Variants in SLC44A5 observed in about 807,000 individuals in gnomAD.
SLC44A5 encodes the protein choline transporter-like protein 5.
A neutral mutation model predicts 101.8 loss-of-function variants in SLC44A5; 57 were observed. The observed-to-expected ratio is 0.56, with a 90% confidence interval of 0.45 to 0.70. SLC44A5 has a LOEUF of 0.70. Ranked by LOEUF, SLC44A5 falls within the 30% of genes least tolerant of loss-of-function variation. SLC44A5 has a pLI of 0.00. For missense variants in SLC44A5, 737 were observed against 853.1 expected (o/e 0.86, Z 1.70); for synonymous variants, 281 against 290.9 (o/e 0.97, Z 0.35).
At chr1:75,608,470 G>A (rs1001338501) in intron 1 of SLC44A5, among the ~76,000 whole-genome samples, 5 of 151,842 alleles carry the variant, frequency 3.3e-5, no homozygotes, top group Non-Finnish European at 5.9e-5. Flanking sequence ...ATATTGGCTC[G>A]ATATTCTCAA....
intron 5 of SLC44A5, among the ~76,000 whole-genome samples, chr1:75,296,364 T>A (rs1653959335): frequency 1.3e-5 from 1 of 74,740 alleles, no homozygotes; most frequent in Admixed American, 1.6e-4. Context: ...CAGTTTTTTT[T>A]TCTTTTTTTT....
chr1:75,621,628 A>G, the SLC44A5 span, among the ~76,000 whole-genome samples: 1 of 152,148 alleles, frequency 6.6e-6, no homozygotes, highest in African/African-American at 2.4e-5. Flanking sequence ...GAGAAAAATA[A>G]AAAGAAATAA....
the SLC44A5 span, among the ~76,000 whole-genome samples, chr1:75,646,141 T>A: frequency 7.4e-6 from 1 of 135,414 alleles, no homozygotes; most frequent in Non-Finnish European, 1.6e-5. Flanking sequence ...ATATGAACTT[T>A]AAAGTAGTTT....
chr1:75,307,672 G>A (rs1175270865), intron 4 of SLC44A5, among the ~76,000 whole-genome samples: 1 of 152,130 alleles, frequency 6.6e-6, no homozygotes, highest in Non-Finnish European at 1.5e-5. Flanking sequence ...AAGAGCTTGC[G>A]TTTGAAAGCA....
At chr1:75,551,426 T>C (rs1671930860) in intron 1 of SLC44A5, among the ~76,000 whole-genome samples, 2 of 152,162 alleles carry the variant, frequency 1.3e-5, no homozygotes. Context: ...TTATGCTTTC[T>C]TGGGATCCTC....
intron 4 of SLC44A5, among the ~76,000 whole-genome samples, chr1:75,311,327 C>T (rs891989221): frequency 5.9e-5 from 9 of 151,988 alleles, no homozygotes; most frequent in Admixed American, 1.3e-4. Context: ...ATGTTGGCCA[C>T]GCTGGTCTCG....
At chr1:75,683,316 T>C in the SLC44A5 span, among the ~76,000 whole-genome samples, 1 of 152,318 alleles carries the variant, frequency 6.6e-6, no homozygotes, top group Non-Finnish European at 1.5e-5. Flanking sequence ...CGTATGTTTA[T>C]TGCGGCATTA....
intron 1 of SLC44A5, chr1:75,582,588 C>A: frequency 2.6e-6 from 1 of 379,250 alleles, no homozygotes; most frequent in South Asian, 4.9e-5. Flanking sequence ...AATATGAGGA[C>A]AGAAGGACTG....
intron 4 of SLC44A5, among the ~76,000 whole-genome samples, chr1:75,321,818 T>C (rs1656173392): frequency 6.6e-6 from 1 of 152,220 alleles, no homozygotes; most frequent in Admixed American, 6.5e-5. Flanking sequence ...TTGATTCATC[T>C]TTAACACCCA....
intron 6 of SLC44A5, among the ~76,000 whole-genome samples, chr1:75,271,497 T>TTTTTTGTGTG (rs1553152601): frequency 6.2e-5 from 9 of 146,302 alleles, no homozygotes; most frequent in Admixed American, 2.8e-4. Context: ...TCTGCATGTT[T>TTTTTTGTGTG]TGTGTGTGTG....
At chr1:75,617,446 A>T in the SLC44A5 span, among the ~76,000 whole-genome samples, 1 of 152,172 alleles carries the variant, frequency 6.6e-6, no homozygotes, top group Admixed American at 6.5e-5. Flanking sequence ...CAAGTCACTC[A>T]ATCTCTCTGC....
chr1:75,676,027 A>G, the SLC44A5 span, among the ~76,000 whole-genome samples: 1 of 152,228 alleles, frequency 6.6e-6, no homozygotes, highest in African/African-American at 2.4e-5. Flanking sequence ...CAGAATGGCA[A>G]TTATTAAAAA....
chr1:75,556,624 G>A (rs1672230902), intron 1 of SLC44A5, among the ~76,000 whole-genome samples: 1 of 152,086 alleles, frequency 6.6e-6, no homozygotes, highest in Admixed American at 6.6e-5. Context: ...AGAGTTAGAA[G>A]TGTGTTCACC....
chr1:75,211,452 C>T lies in SLC44A5; in HGVS notation c.2047+16G>A. 6.3e-7 allele frequency: 1 copy of T among 1,597,412 alleles called. No individual in the cohort carries two copies. The highest frequency in any genetic ancestry group is 1.3e-5 in the African/African-American group (1 of 74,636). On this transcript the variant is annotated intron_variant, in intron 23 of 23. Coordinates refer to ENST00000370859, the MANE Select transcript of SLC44A5 (RefSeq NM_001130058.2). ...TTATCCACCGAAGGGGGAAAACACA[C>T]ATACTGAATACTCACAGAAGCAGAT...
intron 2 of SLC44A5, among the ~76,000 whole-genome samples, chr1:75,400,349 C>T (rs1407384950): frequency 6.6e-6 from 1 of 152,096 alleles, no homozygotes; most frequent in Non-Finnish European, 1.5e-5. Context: ...TTGTATAAAA[C>T]CTGCTCTTAC....
chr1:75,670,580 G>A, the SLC44A5 span, among the ~76,000 whole-genome samples: 1 of 152,158 alleles, frequency 6.6e-6, no homozygotes, highest in Admixed American at 6.5e-5. Context: ...ATGGCTTAAA[G>A]TGGAATTTAA....
chr1:75,306,487 T>G lies in SLC44A5; in HGVS notation c.102-5802A>C, dbSNP rs533407752. Among the ~76,000 whole-genome samples, 20 of 152,244 alleles carry G rather than the reference T, an allele frequency of 1.3e-4. 1 individual carries two copies. ...AATATGTTGCTTAGAGATTCAAATT[T>G]TTGGTCAAGCTTAAACATGCTATCT... On this transcript the variant is annotated intron_variant, in intron 4 of 23. Transcript: ENST00000370859.
chr1:75,580,864 A>T lies in SLC44A5; in HGVS notation c.-70+30176T>A, dbSNP rs79827420. On this transcript the variant is annotated intron_variant, in intron 1 of 23. Transcript: ENST00000370859. ...AAAAAAAAAACAAAGAAAAAGAAAA[A>T]CAAAGAAAGGAAAGGAAAGAGGGCC... Among the ~76,000 whole-genome samples the T allele has an allele frequency of 5.3e-3, 812 of 151,892 alleles. 11 individuals are homozygous for T. The highest frequency in any genetic ancestry group is 0.033 in the Admixed American group (505 of 15,230).
the SLC44A5 span, among the ~76,000 whole-genome samples, chr1:75,660,452 T>C: frequency 1.3e-5 from 2 of 152,094 alleles, no homozygotes; most frequent in Admixed American, 1.3e-4. Context: ...TCATTAAACA[T>C]AGTAGTAGAA....
Sources: gnomAD v4.1 joint callset for allele counts (sites outside exome capture counted in the v4.1 genomes callset) on GRCh38, gnomAD v4.1.1 for gene constraint, MANE v1.5 for transcripts, NCBI Gene and HGNC (gene_info 2026-07-23, HGNC 2026-07-21) for gene names.